AGAP1: variants seen among roughly 807,000 people sequenced by gnomAD.
The protein encoded by AGAP1 is arf-GAP with GTPase, ANK repeat and PH domain-containing protein 1.
Under a neutral mutation model 105.3 loss-of-function variants are expected in AGAP1, and 29 were observed. The observed-to-expected ratio is 0.28, with a 90% CI of 0.21 to 0.38. The LOEUF (loss-of-function observed/expected upper bound fraction) is 0.38. Ranked by LOEUF, AGAP1 falls within the 10% of genes least tolerant of loss-of-function variation. The pLI, the probability that AGAP1 is intolerant of heterozygous loss-of-function variation, is 1.00. For missense variants in AGAP1, 998 were observed against 1,165.1 expected (o/e 0.86, Z 2.09); for synonymous variants, 509 against 485.9 (o/e 1.05, Z -0.63).
chr2:235,944,494 T>TA (rs2053403307), intron 12 of AGAP1, among the ~76,000 whole-genome samples: 2 of 152,242 alleles, frequency 1.3e-5, no homozygotes, highest in Non-Finnish European at 2.9e-5. Flanking sequence ...TCCATCTACT[T>TA]ACAAATTCTT....
At chr2:235,757,624 T>G (rs990923924) in intron 6 of AGAP1, among the ~76,000 whole-genome samples, 1 of 152,230 alleles carries the variant, frequency 6.6e-6, no homozygotes, top group African/African-American at 2.4e-5. Flanking sequence ...CTTTTGTCCC[T>G]TCCCAGTAAC....
intron 1 of AGAP1, among the ~76,000 whole-genome samples, chr2:235,538,460 T>TGCGC (rs923717903): frequency 6.6e-6 from 1 of 150,446 alleles, no homozygotes; most frequent in African/African-American, 2.5e-5. Flanking sequence ...TGTGTGTGTG[T>TGCGC]GCATGCTTGT....
Position 235,908,068 on chromosome 2 carries a change from C to A in AGAP1, c.1156-670C>A, listed in dbSNP as rs541176013. On this transcript the variant is annotated intron_variant, in intron 10 of 17. Coordinates refer to ENST00000304032, the MANE Select transcript of AGAP1 (RefSeq NM_001037131.3). The surrounding 1 kb of genome is among the most constrained non-coding windows in gnomAD (Gnocchi z 4.4). Reference sequence around the variant, plus strand: ...CTCTCAGTTGCTTGTTCACCTTCCCCGTTCCCTGCCCATCAGCCAGTTTCC... The same window carrying A: ...CTCTCAGTTGCTTGTTCACCTTCCCAGTTCCCTGCCCATCAGCCAGTTTCC... Among the ~76,000 whole-genome samples the A allele has an allele frequency of 6.6e-6, 1 of 152,222 alleles. No homozygotes were observed. Among genetic ancestry groups the A allele is most frequent in the African/African-American group, 2.4e-5 (1 of 41,450 alleles).
At chr2:236,043,626 C>G (rs1461248407) in intron 15 of AGAP1, among the ~76,000 whole-genome samples, 4 of 150,944 alleles carry the variant, frequency 2.6e-5, no homozygotes, top group African/African-American at 9.8e-5. Flanking sequence ...ACTTGGGAGG[C>G]TGAGGCAGGA....
chr2:235,512,095 G>GTGTGTA (rs1942167171), intron 1 of AGAP1, among the ~76,000 whole-genome samples: 2 of 143,538 alleles, frequency 1.4e-5, no homozygotes, highest in South Asian at 2.3e-4. Flanking sequence ...GTGAATGTGT[G>GTGTGTA]TGTGTGTGAA....
At position 235,988,523 on chromosome 2, in the gene AGAP1, T is replaced by C. The variant is rs1357157689; in HGVS notation, c.1645+19900T>C. 1.3e-5 allele frequency among the ~76,000 whole-genome samples: 2 copies of C among 152,102 alleles called. No individual in the cohort carries two copies. Among genetic ancestry groups the C allele is most frequent in the Non-Finnish European group, 2.9e-5 (2 of 68,020 alleles). On this transcript the variant is annotated intron_variant, in intron 13 of 17. Transcript: ENST00000304032. This position sits in a 1 kb window ranked among gnomAD's most constrained non-coding sequence, Gnocchi z 4.7. ...TAGCGTAAGTGTTCTCTGGCAGGTA[T>C]GGCTGTTTTTCTGAGCAGTAGGTAC... is the stretch of plus-strand genomic sequence containing the variant.
intron 13 of AGAP1, among the ~76,000 whole-genome samples, chr2:236,017,521 C>T (rs2056747486): frequency 6.6e-6 from 1 of 151,986 alleles, no homozygotes; most frequent in Non-Finnish European, 1.5e-5. Context: ...TAAAGTGGTC[C>T]ACTTGAGTGA....
chr2:235,779,666 C>T (rs1282639067), intron 6 of AGAP1, among the ~76,000 whole-genome samples: 2 of 152,224 alleles, frequency 1.3e-5, no homozygotes, highest in African/African-American at 4.8e-5. Flanking sequence ...ATCCCTGCCC[C>T]TGGTTTCCTT....
intron 16 of AGAP1, among the ~76,000 whole-genome samples, chr2:236,094,100 T>C (rs922785841): frequency 6.6e-6 from 1 of 152,132 alleles, no homozygotes; most frequent in Admixed American, 6.5e-5. Context: ...TTATGGGCAC[T>C]CAGCTGTATA....
At chr2:235,782,570 T>A (rs1016388061) in intron 6 of AGAP1, among the ~76,000 whole-genome samples, 6 of 149,488 alleles carry the variant, frequency 4.0e-5, no homozygotes, top group African/African-American at 1.5e-4. Flanking sequence ...GAGTTCTTTT[T>A]GTCTATGCTT....
chr2:236,049,017 G>A (rs755735368), intron 15 of AGAP1, 42 bp from the exon 16 acceptor site: 20 of 1,555,432 alleles, frequency 1.3e-5, no homozygotes, highest in Non-Finnish European at 1.8e-5. Flanking sequence ...AATGATGCAT[G>A]ATGGTCTGAT....
At chr2:236,060,830 G>A (rs111686291) in intron 16 of AGAP1, among the ~76,000 whole-genome samples, 4,598 of 152,346 alleles carry the variant, frequency 0.03, 92 homozygotes, top group South Asian at 0.048. Context: ...GGGAGGCTGA[G>A]GCAGGAGGAT....
chr2:235,988,611 A>G lies in AGAP1; in HGVS notation c.1645+19988A>G, dbSNP rs934561796. On this transcript the variant is annotated intron_variant, in intron 13 of 17. Transcript: ENST00000304032. This position sits in a 1 kb window ranked among gnomAD's most constrained non-coding sequence, Gnocchi z 4.7. ...TCATCTGCAGAGGTCAGCTTTTTCC[A>G]TTGTCTCTGAAACACTTGCATTTTT... Among the ~76,000 whole-genome samples, 16 of 152,004 alleles carry G rather than the reference A, an allele frequency of 1.1e-4. No individual in the cohort carries two copies. Among genetic ancestry groups the G allele is most frequent in the Non-Finnish European group, 1.8e-4 (12 of 67,982 alleles).
At chr2:235,937,531 C>T (rs1015977285) in intron 12 of AGAP1, among the ~76,000 whole-genome samples, 2 of 152,216 alleles carry the variant, frequency 1.3e-5, no homozygotes, top group South Asian at 2.1e-4. Flanking sequence ...ATTTCATTCC[C>T]GAAGACCAGA....
Position 235,744,640 on chromosome 2 carries a change from G to C in AGAP1, c.397-58G>C. On this transcript the variant is annotated intron_variant, in intron 4 of 17. Coordinates refer to ENST00000304032, the MANE Select transcript of AGAP1 (RefSeq NM_001037131.3). The surrounding 1 kb of genome is among the most constrained non-coding windows in gnomAD (Gnocchi z 5.2). ...TGCCTGCCGCCATGCAGACATCTCTGTTCTTAATCAAGCCTGCTCACTCAG... is the reference window on the plus strand; with the variant it reads ...TGCCTGCCGCCATGCAGACATCTCTCTTCTTAATCAAGCCTGCTCACTCAG... 6.2e-7 allele frequency: 1 copy of C among 1,606,334 alleles called. No homozygotes were observed. The highest frequency in any genetic ancestry group is 8.5e-7 in the Non-Finnish European group (1 of 1,174,466).
intron 6 of AGAP1, among the ~76,000 whole-genome samples, chr2:235,764,646 G>A (rs1187438422): frequency 6.6e-6 from 1 of 152,160 alleles, no homozygotes; most frequent in Non-Finnish European, 1.5e-5. Context: ...ACCCCTGATG[G>A]GGGCACCTGG....
chr2:235,622,754 CT>C lies in AGAP1; in HGVS notation c.164-86423del, dbSNP rs2149273218. Among the ~76,000 whole-genome samples the C allele has an allele frequency of 6.6e-6, 1 of 152,196 alleles. No individual in the cohort carries two copies. The highest frequency in any genetic ancestry group is 2.1e-4 in the South Asian group (1 of 4,782). ...GCGCGCTCACGTATGCCAGACTCTT[CT>C]TAGCGCTAAGCCATTTTCCCAGGCC... is the stretch of plus-strand genomic sequence containing the variant. On this transcript the variant is annotated intron_variant, in intron 1 of 17. Transcript: ENST00000304032. The surrounding 1 kb of genome is among the most constrained non-coding windows in gnomAD (Gnocchi z 5.0).
At chr2:235,676,848 CATG>C (rs759842305) in intron 1 of AGAP1, among the ~76,000 whole-genome samples, 4 of 152,130 alleles carry the variant, frequency 2.6e-5, no homozygotes, top group African/African-American at 4.8e-5. Flanking sequence ...AGGGTAGTCT[CATG>C]ATGAGATAAA....
intron 9 of AGAP1, among the ~76,000 whole-genome samples, chr2:235,857,486 C>G (rs748627126): frequency 1.3e-5 from 2 of 152,208 alleles, no homozygotes; most frequent in African/African-American, 2.4e-5. Flanking sequence ...GACCCCGACC[C>G]TCCCGTTGCT....
Sources: allele counts gnomAD v4.1 joint callset (sites outside exome capture counted in the v4.1 genomes callset), GRCh38; gene constraint gnomAD v4.1.1; non-coding constraint Gnocchi (gnomAD v3.1); transcripts MANE v1.5; gene names NCBI Gene and HGNC (gene_info 2026-07-23, HGNC 2026-07-21).